The following MST1R variants were observed in gnomAD, a reference collection of about 807,000 sequenced individuals.
The protein encoded by MST1R is macrophage stimulating 1 receptor, also known as macrophage-stimulating protein receptor.
Under a neutral mutation model 117.8 loss-of-function variants are expected in MST1R, and 99 were observed. The observed-to-expected ratio is 0.84, with a 90% confidence interval of 0.71 to 0.99. The LOEUF (loss-of-function observed/expected upper bound fraction) is 0.99. Among genes scored for constraint, MST1R ranks in the 50% least tolerant of loss-of-function variants. The probability of loss-of-function intolerance (pLI) is 0.00; values close to 1 mark genes in which losing one functional copy is unlikely to be tolerated. For synonymous variants in MST1R, 734 were observed against 765.3 expected (o/e 0.96, Z 0.68); for missense variants, 1,683 against 1,840.2 (o/e 0.91, Z 1.56).
In MST1R at chr3:49,895,546, G is replaced by T. The variant is rs1395342846; in HGVS notation, c.2965C>A (p.Leu989Ile). The change falls in exon 13 of 20, where the codon CTT (leucine) becomes ATT (isoleucine). Residue 989 changes from leucine (L) to isoleucine (I), a missense_variant and splice_region_variant. Leu to Ile is a conservative substitution (Grantham distance 5, BLOSUM62 2). Coordinates refer to ENST00000296474, the MANE Select transcript of MST1R (RefSeq NM_002447.4). ...SYWWRRKQLV[L>I]PPNLNDLASL... is the part of the protein sequence containing the mutation. ...GCCAGGTCATTCAGGTTGGGAGGAA[G>T]AACTGTGGAAAGAGAATCCTTGGTG... The T allele has an allele frequency of 1.9e-6, 3 of 1,614,030 alleles. No individual in the cohort carries two copies. Among genetic ancestry groups the T allele is most frequent in the Non-Finnish European group, 2.5e-6 (3 of 1,180,026 alleles).
intron 1 of MST1R, chr3:49,899,497 C>T: frequency 3.7e-6 from 2 of 547,472 alleles, no homozygotes; most frequent in Non-Finnish European, 6.6e-6. Context: ...CCCTGCCCCA[C>T]CCTGCCATGC....
Position 49,898,074 on chromosome 3 carries a change from CA to C in MST1R, c.1856del (p.Leu619ArgfsTer17). 1 of 1,614,122 alleles carries C rather than the reference CA, an allele frequency of 6.2e-7. No individual in the cohort carries two copies. ...ACCTGAGTTTTGAGCTGTCCTTGGG[CA>C]GTGGCCGGCAGGGACTTTGGCCCAC... Reference protein sequence around the residue: ...VTVGQSPCRPLPKDSSKLRPV... With the variant: ...VTVGQSPCRPXPKDSSKLRPV... On this transcript the variant is annotated frameshift_variant, in exon 5 of 20. Coordinates refer to ENST00000296474, the MANE Select transcript of MST1R (RefSeq NM_002447.4). LOFTEE classifies it high-confidence loss of function.
chr3:49,892,668 TAA>T (rs34713786), intron 14 of MST1R, among the ~76,000 whole-genome samples: 322 of 135,198 alleles, frequency 2.4e-3, no homozygotes, highest in Non-Finnish European at 2.5e-3. Flanking sequence ...TTTTTTAAAT[TAA>T]AAAAAAAAAA....
At chr3:49,896,697 G>A (rs111458737) in intron 8 of MST1R, 32 bp downstream of exon 8, 459 of 1,608,248 alleles carry the variant, frequency 2.9e-4, no homozygotes, top group Middle Eastern at 2.8e-3. Flanking sequence ...TCATTCCCCA[G>A]AGGCCAGAGT....
chr3:49,892,809 A>G (rs902401297), intron 14 of MST1R, among the ~76,000 whole-genome samples: 1 of 151,248 alleles, frequency 6.6e-6, no homozygotes, highest in Non-Finnish European at 1.5e-5. Flanking sequence ...CAAAAATTAG[A>G]CAGGTGTGGT....
Position 49,902,774 on chromosome 3 carries a change from CGT to C in MST1R, c.834_835del (p.Arg279ProfsTer5), listed in dbSNP as rs753428225. 16 of 1,613,936 alleles carry C rather than the reference CGT, an allele frequency of 9.9e-6. No homozygotes were observed. The East Asian group carries it at 3.6e-4, about 36-fold the overall frequency. ...CTCAGTGGCGCTAAGCCGTGCCAGG[CGT>C]GTGTGCAGGGCACTAGGATCATCTG... On this transcript the variant is annotated frameshift_variant, in exon 1 of 20. Transcript: ENST00000296474. LOFTEE classifies it high-confidence loss of function.
rs766407082 is a variant in MST1R, at chr3:49,895,324, T to C, written c.3114A>G (p.Ala1038=). The C allele has an allele frequency of 1.2e-6, 2 of 1,614,122 alleles. No individual in the cohort carries two copies. The highest frequency in any genetic ancestry group is 2.7e-5 in the African/African-American group (2 of 74,930). ...GLDSTTCVHG[A]SFSDSEDESC... ...ATTCATCTTCACTATCGGAGAAGGA[T>C]GCTCCATGGACACAAGTGGTGGAAT... The change falls in exon 14 of 20, where the codon GCA becomes GCG. Residue 1038 remains alanine, a synonymous_variant. Coordinates refer to ENST00000296474, the MANE Select transcript of MST1R (RefSeq NM_002447.4).
At chr3:49,887,641 G>A (rs2082202302) in intron 19 of MST1R, 79 bp from the exon 20 acceptor site, 1 of 1,516,024 alleles carries the variant, frequency 6.6e-7, no homozygotes, top group Non-Finnish European at 9.0e-7. Context: ...TTAAACCTCT[G>A]GCAGGCCACA....
intron 1 of MST1R, among the ~76,000 whole-genome samples, chr3:49,900,836 G>A (rs896927303): frequency 5.3e-5 from 8 of 152,184 alleles, no homozygotes; most frequent in Non-Finnish European, 1.0e-4. Flanking sequence ...CTGAAAACAC[G>A]TAAGTGTCCA....
rs1225554383 is a variant in MST1R at position 49,890,472 on chromosome 3, G to A, written c.3810+13C>T. ...CCAAAGCCATGTGGACTGTAGGGCAGGTGGGGCCTCACCACATCAGACTTG... is the reference window on the plus strand; with the variant it reads ...CCAAAGCCATGTGGACTGTAGGGCAAGTGGGGCCTCACCACATCAGACTTG... On this transcript the variant is annotated intron_variant, in intron 18 of 19. Transcript: ENST00000296474. 6 of 1,606,808 alleles carry A rather than the reference G, an allele frequency of 3.7e-6. No individual in the cohort carries two copies. The highest frequency in any genetic ancestry group is 1.1e-5 in the South Asian group (1 of 90,424).
chr3:49,896,929 T>C (rs1254565879), intron 7 of MST1R, 39 bp from the exon 8 acceptor site: 4 of 1,457,510 alleles, frequency 2.7e-6, no homozygotes, highest in Non-Finnish European at 3.6e-6. Context: ...TTACCCTCTT[T>C]GTGATGGCCA....
chr3:49,900,253 G>T (rs972856251), intron 1 of MST1R, among the ~76,000 whole-genome samples: 1 of 152,138 alleles, frequency 6.6e-6, no homozygotes, highest in African/African-American at 2.4e-5. Flanking sequence ...TGGAAGCTAG[G>T]GGGTACTAAC....
At chr3:49,888,977 G>T (rs1003247614) in intron 19 of MST1R, among the ~76,000 whole-genome samples, 2 of 152,228 alleles carry the variant, frequency 1.3e-5, no homozygotes, top group Non-Finnish European at 2.9e-5. Flanking sequence ...GCCCTAGGCA[G>T]AAGAGAACTG....
chr3:49,900,437 T>C (rs1019788628), intron 1 of MST1R, among the ~76,000 whole-genome samples: 4 of 152,148 alleles, frequency 2.6e-5, no homozygotes, highest in African/African-American at 9.7e-5. Flanking sequence ...GGACTCTCTC[T>C]CACCAGCCCG....
rs761681423 is a variant in MST1R, at chr3:49,899,168, C to T, written c.1326G>A (p.Leu442=). Residue 442 remains leucine (L), a synonymous_variant, in exon 2 of 20, where the codon CTG becomes CTA. Transcript: ENST00000296474. ...SFSRVDLFNG[L]LGPVQVTALY... ...ATGCAGTGACCTGTACTGGTCCCAA[C>T]AGCCCATTGAATAGGTCCACACGTG... 4 of 1,614,114 alleles carry T rather than the reference C, an allele frequency of 2.5e-6. No individual in the cohort carries two copies. In the Admixed American group the frequency reaches 5.0e-5, roughly 20 times the overall value.
In MST1R at chr3:49,896,833, G is replaced by T; in HGVS notation, c.2241C>A (p.Val747=). 3 of 1,556,180 alleles carry T rather than the reference G, an allele frequency of 1.9e-6. No individual in the cohort carries two copies. The highest frequency in any genetic ancestry group is 2.4e-5 in the East Asian group (1 of 41,548). ...CACCCCCCACCTGCAGGCTAAGGGG[G>T]ACACTGGCCACCGTGGCCCCAGGGG... The part of the protein sequence containing the change: ...ATPPGATVAS[V]PLSLQVGGAQ... Residue 747 remains valine, a synonymous_variant, in exon 8 of 20, where the codon GTC becomes GTA. Coordinates refer to ENST00000296474, the MANE Select transcript of MST1R (RefSeq NM_002447.4).
intron 1 of MST1R, chr3:49,899,519 G>A (rs1249032610): frequency 2.5e-6 from 1 of 398,890 alleles, no homozygotes. Context: ...CATCCTGATG[G>A]TGAGTTACCC....
intron 14 of MST1R, among the ~76,000 whole-genome samples, chr3:49,894,715 T>C (rs2082412836): frequency 1.3e-5 from 2 of 151,976 alleles, no homozygotes; most frequent in African/African-American, 4.8e-5. Flanking sequence ...GATGAGCAAA[T>C]GGAGGCTCAG....
At chr3:49,900,370 GT>G (rs2082638091) in intron 1 of MST1R, among the ~76,000 whole-genome samples, 2 of 152,148 alleles carry the variant, frequency 1.3e-5, no homozygotes, top group South Asian at 4.1e-4. Context: ...TGAACTCGCG[GT>G]GTTGGAGCTG....
Sources: gnomAD v4.1 joint callset for allele counts (sites outside exome capture counted in the v4.1 genomes callset) on GRCh38, gnomAD v4.1.1 for gene constraint, MANE v1.5 for transcripts, NCBI Gene and HGNC (gene_info 2026-07-23, HGNC 2026-07-21) for gene names.